Variants in SEMA6D observed in about 807,000 individuals in gnomAD.
SEMA6D encodes semaphorin 6D, also known as semaphorin-6D.
In SEMA6D, 35 loss-of-function variants were observed where a neutral mutation model predicts 106.6. The observed-to-expected ratio is 0.33, with a 90% confidence interval of 0.25 to 0.44. The LOEUF (loss-of-function observed/expected upper bound fraction) is 0.44. Ranked by LOEUF, SEMA6D falls within the 20% of genes least tolerant of loss-of-function variation. The probability of loss-of-function intolerance (pLI) is 1.00; values close to 1 mark genes in which losing one functional copy is unlikely to be tolerated. For synonymous variants in SEMA6D, 499 were observed against 487.7 expected (o/e 1.02, Z -0.31); for missense variants, 1,185 against 1,345.9 (o/e 0.88, Z 1.87).
At chr15:47,206,856 C>T (rs1274391021) in intron 1 of SEMA6D, among the ~76,000 whole-genome samples, 4 of 152,078 alleles carry the variant, frequency 2.6e-5, no homozygotes, top group African/African-American at 9.7e-5. Flanking sequence ...AAGCTGCTCC[C>T]ACTGGGGTAG....
intron 1 of SEMA6D, among the ~76,000 whole-genome samples, chr15:47,236,761 A>G (rs968716585): frequency 6.6e-6 from 1 of 152,178 alleles, no homozygotes. Context: ...TTATTTGCCT[A>G]TCTTGGATAT....
chr15:47,721,958 A>C (rs1179401333), intron 1 of SEMA6D, among the ~76,000 whole-genome samples: 2 of 152,142 alleles, frequency 1.3e-5, no homozygotes, highest in Non-Finnish European at 2.9e-5. Context: ...GGCTGTGAAC[A>C]GCACAGCTGG....
chr15:47,437,615 C>T (rs1235792737), intron 2 of SEMA6D, among the ~76,000 whole-genome samples: 1 of 152,124 alleles, frequency 6.6e-6, no homozygotes, highest in Non-Finnish European at 1.5e-5. Flanking sequence ...AGAAGTGTCT[C>T]TCACCTTAGA....
intron 4 of SEMA6D, among the ~76,000 whole-genome samples, chr15:47,701,792 G>GTA (rs1389480074): frequency 6.6e-6 from 1 of 152,132 alleles, no homozygotes; most frequent in Non-Finnish European, 1.5e-5. Flanking sequence ...ATGGCTAATG[G>GTA]TATGAAATGC....
intron 3 of SEMA6D, among the ~76,000 whole-genome samples, chr15:47,508,614 GAAGT>G (rs535605883): frequency 6.6e-6 from 1 of 152,330 alleles, no homozygotes; most frequent in Non-Finnish European, 1.5e-5. Context: ...TGAAAGGAAA[GAAGT>G]AAGGAAGGAA....
At chr15:47,685,563 T>G (rs1378066363) in intron 4 of SEMA6D, among the ~76,000 whole-genome samples, 1 of 152,148 alleles carries the variant, frequency 6.6e-6, no homozygotes, top group Admixed American at 6.5e-5. Context: ...AGTGAGGAGT[T>G]AACACTTCTG....
At chr15:47,296,980 T>C (rs996730171) in intron 1 of SEMA6D, among the ~76,000 whole-genome samples, 11 of 152,154 alleles carry the variant, frequency 7.2e-5, no homozygotes, top group Non-Finnish European at 1.5e-4. Context: ...CAGCCCTTTC[T>C]TCCCCCCGCA....
intron 2 of SEMA6D, among the ~76,000 whole-genome samples, chr15:47,423,743 C>CT (rs2140439239): frequency 6.6e-6 from 1 of 152,052 alleles, no homozygotes; most frequent in African/African-American, 2.4e-5. Flanking sequence ...ACTTAAGGGA[C>CT]CCAGTAAGCA....
intron 3 of SEMA6D, among the ~76,000 whole-genome samples, chr15:47,579,737 C>G (rs1191177222): frequency 6.6e-6 from 1 of 152,090 alleles, no homozygotes; most frequent in Non-Finnish European, 1.5e-5. Context: ...ATCCTGTACT[C>G]CAATCTAGAA....
In SEMA6D at chr15:47,766,193, T is replaced by C. The variant is rs756281797; in HGVS notation, c.1646+11T>C. ...GACCCCAGGGATGCTGTAAGTATAC[T>C]TTGTCACATGAGCTAGGATGAACTA... On this transcript the variant is annotated intron_variant, in intron 15 of 18. Coordinates refer to ENST00000536845, the MANE Select transcript of SEMA6D (RefSeq NM_001358351.3). 3.7e-6 allele frequency: 6 copies of C among 1,609,906 alleles called. No individual in the cohort carries two copies. In the South Asian group the frequency reaches 6.6e-5, roughly 18 times the overall value.
intron 3 of SEMA6D, among the ~76,000 whole-genome samples, chr15:47,589,176 G>T (rs2076394243): frequency 2.0e-5 from 3 of 152,112 alleles, no homozygotes; most frequent in Admixed American, 2.0e-4. Flanking sequence ...CTTCCTTCAG[G>T]GTGTGTGCAT....
At chr15:47,639,569 T>C (rs150537934) in intron 4 of SEMA6D, among the ~76,000 whole-genome samples, 3 of 152,122 alleles carry the variant, frequency 2.0e-5, no homozygotes, top group Non-Finnish European at 4.4e-5. Context: ...GACTGCAGTA[T>C]GGAAAGGAGA....
intron 1 of SEMA6D, among the ~76,000 whole-genome samples, chr15:47,196,998 T>C (rs1205723346): frequency 6.6e-6 from 1 of 152,156 alleles, no homozygotes; most frequent in Non-Finnish European, 1.5e-5. Flanking sequence ...ATCTTAGCAC[T>C]GTTAAGAAAA....
intron 3 of SEMA6D, among the ~76,000 whole-genome samples, chr15:47,479,624 G>C: frequency 6.6e-6 from 1 of 152,066 alleles, no homozygotes; most frequent in Non-Finnish European, 1.5e-5. Context: ...TTAGAGTAGT[G>C]ACTTGGAAAC....
At chr15:47,189,522 C>CA (rs1317690784) in intron 1 of SEMA6D, among the ~76,000 whole-genome samples, 1 of 152,068 alleles carries the variant, frequency 6.6e-6, no homozygotes, top group African/African-American at 2.4e-5. Context: ...CCAAAAACCA[C>CA]AAAACTAAAT....
intron 17 of SEMA6D, among the ~76,000 whole-genome samples, chr15:47,767,838 T>G (rs974148889): frequency 3.3e-5 from 5 of 152,228 alleles, no homozygotes; most frequent in Non-Finnish European, 5.9e-5. Flanking sequence ...CTTCTAAAAC[T>G]CACCAGCAAT....
intron 4 of SEMA6D, among the ~76,000 whole-genome samples, chr15:47,681,617 A>T (rs2078354781): frequency 6.6e-6 from 1 of 152,374 alleles, no homozygotes; most frequent in African/African-American, 2.4e-5. Flanking sequence ...AAATAAAAAA[A>T]TAGAATGAAT....
chr15:47,699,207 A>G (rs1195546969), intron 4 of SEMA6D, among the ~76,000 whole-genome samples: 3 of 152,210 alleles, frequency 2.0e-5, no homozygotes, highest in Non-Finnish European at 4.4e-5. Context: ...GTGGGAACCT[A>G]TATTTTACCT....
intron 4 of SEMA6D, among the ~76,000 whole-genome samples, chr15:47,666,147 A>G (rs550650465): frequency 6.6e-6 from 1 of 152,330 alleles, no homozygotes; most frequent in South Asian, 2.1e-4. Context: ...ATTTTGTATG[A>G]CATCTCAACC....
Sources: allele counts gnomAD v4.1 joint callset (sites outside exome capture counted in the v4.1 genomes callset), GRCh38; gene constraint gnomAD v4.1.1; transcripts MANE v1.5; gene names NCBI Gene and HGNC (gene_info 2026-07-23, HGNC 2026-07-21).